CERS4: variants seen among roughly 807,000 people sequenced by gnomAD.
The protein encoded by CERS4 is LAG1 homolog, ceramide synthase 4.
CERS4 carries 65 observed loss-of-function variants against 51.8 expected under a neutral mutation model. That is an observed-to-expected ratio of 1.26 (90% CI 1.03 to 1.54). The LOEUF (loss-of-function observed/expected upper bound fraction) is 1.54, where lower values mean the gene tolerates loss of function less well. CERS4 is among the 40% of genes most tolerant of loss of function. CERS4 has a pLI of 0.00. For missense variants in CERS4, 563 were observed against 500.4 expected (o/e 1.13, Z -1.19); for synonymous variants, 228 against 208.4 (o/e 1.09, Z -0.81).
intron 2 of CERS4, among the ~76,000 whole-genome samples, chr19:8,231,354 G>C (rs1967995691): frequency 2.0e-5 from 3 of 152,058 alleles, no homozygotes. Flanking sequence ...TTTTTTATCA[G>C]GCAGTTAACC....
chr19:8,217,360 G>C (rs971644360), intron 2 of CERS4, among the ~76,000 whole-genome samples: 1 of 151,884 alleles, frequency 6.6e-6, no homozygotes, highest in Non-Finnish European at 1.5e-5. Flanking sequence ...TGAAGGCAAG[G>C]AGAGGCTCGT....
chr19:8,221,884 T>TG (rs764034951), intron 2 of CERS4, among the ~76,000 whole-genome samples: 3,680 of 96,748 alleles, frequency 0.038, 119 homozygotes, highest in South Asian at 0.069. Flanking sequence ...TTTTTTTTTT[T>TG]TTTTTTTTTT....
At chr19:8,231,507 C>A (rs889380426) in intron 2 of CERS4, among the ~76,000 whole-genome samples, 1 of 152,058 alleles carries the variant, frequency 6.6e-6, no homozygotes, top group African/African-American at 2.4e-5. Context: ...TGTACACAGA[C>A]TTTTAATGTA....
At chr19:8,223,102 G>A (rs1967630693) in intron 2 of CERS4, among the ~76,000 whole-genome samples, 1 of 151,968 alleles carries the variant, frequency 6.6e-6, no homozygotes, top group African/African-American at 2.4e-5. Context: ...GGGAGGTTGA[G>A]GTGGGAGGAT....
intron 2 of CERS4, among the ~76,000 whole-genome samples, chr19:8,213,304 T>C (rs1472487821): frequency 6.6e-6 from 1 of 151,946 alleles, no homozygotes; most frequent in Non-Finnish European, 1.5e-5. Flanking sequence ...CATGAGCCAC[T>C]GCACTCGGCC....
intron 3 of CERS4, 25 bp downstream of exon 3, chr19:8,251,274 C>T: frequency 1.3e-6 from 2 of 1,557,510 alleles, no homozygotes; most frequent in Non-Finnish European, 1.7e-6. Context: ...TGCCGCAATC[C>T]ATTGCCCCCG....
chr19:8,234,027 C>T (rs1251783019), intron 2 of CERS4, among the ~76,000 whole-genome samples: 1 of 151,466 alleles, frequency 6.6e-6, no homozygotes, highest in Non-Finnish European at 1.5e-5. Flanking sequence ...AGAGAGTCGG[C>T]TGGGCGTGGT....
At chr19:8,253,869 T>C (rs527561321) in intron 3 of CERS4, among the ~76,000 whole-genome samples, 9 of 152,154 alleles carry the variant, frequency 5.9e-5, no homozygotes, top group Admixed American at 5.9e-4. Flanking sequence ...ATAACAGGCA[T>C]GAGTCAGCTG....
intron 2 of CERS4, among the ~76,000 whole-genome samples, chr19:8,225,714 G>A (rs946357057): frequency 9.3e-5 from 14 of 151,034 alleles, no homozygotes; most frequent in Admixed American, 6.6e-4. Context: ...GTGAGCCACC[G>A]TACCCGGCCG....
At chr19:8,249,383 C>T (rs1285520094) in intron 2 of CERS4, among the ~76,000 whole-genome samples, 4 of 152,096 alleles carry the variant, frequency 2.6e-5, no homozygotes, top group Admixed American at 2.6e-4. Flanking sequence ...AAGGGAGCAG[C>T]TCTTTGGGCT....
At chr19:8,226,128 CAG>C (rs1174902409) in intron 2 of CERS4, among the ~76,000 whole-genome samples, 1 of 151,902 alleles carries the variant, frequency 6.6e-6, no homozygotes, top group Non-Finnish European at 1.5e-5. Context: ...ATCCGGGAGG[CAG>C]AGGTTGCAGT....
chr19:8,235,558 T>C (rs1361686825), intron 2 of CERS4, among the ~76,000 whole-genome samples: 1 of 150,542 alleles, frequency 6.6e-6, no homozygotes, highest in Non-Finnish European at 1.5e-5. Context: ...CTGGCCATCA[T>C]AGGGAAACCC....
intron 2 of CERS4, among the ~76,000 whole-genome samples, chr19:8,237,743 CAGG>C (rs1968330802): frequency 6.6e-6 from 1 of 151,556 alleles, no homozygotes; most frequent in African/African-American, 2.4e-5. Flanking sequence ...CCCAGCTACT[CAGG>C]AGGCTGAGGC....
intron 2 of CERS4, among the ~76,000 whole-genome samples, chr19:8,220,657 G>A (rs1316075369): frequency 1.3e-5 from 2 of 152,062 alleles, no homozygotes; most frequent in Non-Finnish European, 2.9e-5. Context: ...GCTGTCACCT[G>A]CAAGAGGCCA....
chr19:8,218,935 C>A (rs1871194), intron 2 of CERS4, among the ~76,000 whole-genome samples: 83,795 of 151,862 alleles, frequency 0.55, 23,488 homozygotes, highest in African/African-American at 0.66. Flanking sequence ...GGCCGGGAGC[C>A]GTGGCTCATG....
chr19:8,245,258 ACT>A (rs1968729846), intron 2 of CERS4, among the ~76,000 whole-genome samples: 1 of 150,294 alleles, frequency 6.7e-6, no homozygotes, highest in African/African-American at 2.4e-5. Context: ...TTATTGATTT[ACT>A]CTGTTTTTGG....
At chr19:8,248,457 A>T (rs775512561) in intron 2 of CERS4, among the ~76,000 whole-genome samples, 2 of 151,764 alleles carry the variant, frequency 1.3e-5, no homozygotes, top group African/African-American at 2.4e-5. Flanking sequence ...GAGCGGATAG[A>T]TGTTTAGATG....
intron 2 of CERS4, among the ~76,000 whole-genome samples, chr19:8,213,921 G>T (rs899169804): frequency 6.6e-6 from 1 of 151,564 alleles, no homozygotes; most frequent in Admixed American, 6.6e-5. Context: ...AGCCAAGATC[G>T]CACTACTGCA....
chr19:8,256,374 C>T, intron 7 of CERS4, 88 bp downstream of exon 7: 1 of 1,418,760 alleles, frequency 7.0e-7, no homozygotes, highest in Non-Finnish European at 9.8e-7. Flanking sequence ...CGAACCCTGA[C>T]ACTACACTGT....
Sources: allele counts gnomAD v4.1 joint callset (sites outside exome capture counted in the v4.1 genomes callset), GRCh38; gene constraint gnomAD v4.1.1; transcripts MANE v1.5; gene names NCBI Gene and HGNC (gene_info 2026-07-23, HGNC 2026-07-21).